Variants in RRP12 observed in about 807,000 individuals in gnomAD.
RRP12 encodes the protein RRP12-like protein.
Under a neutral mutation model 157.3 loss-of-function variants are expected in RRP12, and 78 were observed. The ratio of observed to expected loss-of-function variants is 0.50; its 90% CI spans 0.41 to 0.60. The LOEUF is 0.60. Ranked by LOEUF, RRP12 falls within the 20% of genes least tolerant of loss-of-function variation. RRP12 has a pLI of 0.00. For missense variants in RRP12, 1,521 were observed against 1,679.9 expected (o/e 0.91, Z 1.65); for synonymous variants, 726 against 670.9 (o/e 1.08, Z -1.27).
Position 97,362,514 on chromosome 10 carries a change from G to A in RRP12, c.3567+1340C>T, listed in dbSNP as rs952530267. Among the ~76,000 whole-genome samples, 73 of 152,192 alleles carry A rather than the reference G, an allele frequency of 4.8e-4. No homozygotes were observed. In the Middle Eastern group the frequency reaches 0.02, roughly 43 times the overall value. On this transcript the variant is annotated intron_variant, in intron 30 of 33. Transcript: ENST00000370992. ...GGGCCCAGACACACGTTTGGCAGAC[G>A]ACTGCCATCACCTGGAGAGGGAGAC...
rs1845116077 is a variant in RRP12 at position 97,400,545 on chromosome 10, G to C, written c.140-11C>G. On this transcript the variant is annotated splice_polypyrimidine_tract_variant and intron_variant, in intron 1 of 33. Transcript: ENST00000370992. Reference sequence around the variant, plus strand: ...TCAGGTCACTCCTTCCTGAGAGCCAGAGGCACAAGATAAGGTCCAAGCCTC... The same window carrying C: ...TCAGGTCACTCCTTCCTGAGAGCCACAGGCACAAGATAAGGTCCAAGCCTC... 6.2e-7 allele frequency: 1 copy of C among 1,607,874 alleles called. No individual in the cohort carries two copies. The highest frequency in any genetic ancestry group is 1.7e-4 in the Middle Eastern group (1 of 6,048).
chr10:97,389,329 G>T (rs182818160), intron 6 of RRP12, among the ~76,000 whole-genome samples: 174 of 152,120 alleles, frequency 1.1e-3, no homozygotes, highest in African/African-American at 3.7e-3. Flanking sequence ...TCCTGACCTC[G>T]TGATCCGCCC....
At chr10:97,369,377 A>G (rs755925022) in intron 25 of RRP12, 48 bp downstream of exon 25, 8 of 1,589,772 alleles carry the variant, frequency 5.0e-6, no homozygotes, top group East Asian at 2.3e-5. Context: ...CCATGCCAAC[A>G]GCTCAGAGGC....
At chr10:97,380,706 G>T in intron 13 of RRP12, 93 bp downstream of exon 13, 1 of 890,848 alleles carries the variant, frequency 1.1e-6, no homozygotes, top group African/African-American at 1.6e-5. Context: ...GCGGAGCAGG[G>T]TGCAGAGATA....
At chr10:97,399,195 C>A (rs1056576229) in intron 2 of RRP12, among the ~76,000 whole-genome samples, 3 of 152,106 alleles carry the variant, frequency 2.0e-5, no homozygotes, top group Non-Finnish European at 2.9e-5. Flanking sequence ...ATCACCTGAA[C>A]CCAGGAGGCG....
chr10:97,384,784 C>T (rs550700451), intron 10 of RRP12, among the ~76,000 whole-genome samples: 2 of 149,298 alleles, frequency 1.3e-5, no homozygotes, highest in Admixed American at 6.6e-5. Context: ...GACCCCCAAT[C>T]TCGGCAGCCT....
chr10:97,369,174 T>C (rs1282287416), intron 25 of RRP12, among the ~76,000 whole-genome samples: 1 of 152,196 alleles, frequency 6.6e-6, no homozygotes, highest in African/African-American at 2.4e-5. Context: ...GCCCTGCCCA[T>C]GGGCCTTTGC....
chr10:97,392,818 A>C (rs907905217), intron 4 of RRP12, among the ~76,000 whole-genome samples: 5 of 151,722 alleles, frequency 3.3e-5, no homozygotes, highest in Non-Finnish European at 5.9e-5. Context: ...CAGCCTCCCG[A>C]GTAGCTGAAT....
At chr10:97,379,518 C>T in intron 14 of RRP12, 104 bp from the exon 15 acceptor site, 1 of 1,587,222 alleles carries the variant, frequency 6.3e-7, no homozygotes, top group South Asian at 1.1e-5. Context: ...TCTGGCCCCT[C>T]CTGCTGAGCC....
chr10:97,364,778 G>A (rs978348873), intron 29 of RRP12, among the ~76,000 whole-genome samples: 3 of 152,096 alleles, frequency 2.0e-5, no homozygotes, highest in African/African-American at 7.2e-5. Context: ...CAGGAGTTCT[G>A]GGGGAATCAG....
Position 97,369,352 on chromosome 10 carries a change from C to G in RRP12, c.2955+73G>C. The G allele has an allele frequency of 2.0e-6, 3 of 1,494,778 alleles. No individual in the cohort carries two copies. The Admixed American group carries it at 5.7e-5, about 29-fold the overall frequency. The allele number at this position is 1,494,778 out of a possible 1,614,324, so 92.6% of individuals were successfully genotyped here. A position where few individuals can be genotyped will look rare whatever the true frequency, so the allele number is the denominator to read the frequency against. ...AAAATAGTTTGAAACTTGCTGGCCT[C>G]GAAGCTTGCCAGGTCCATGCCAACA... On this transcript the variant is annotated intron_variant, in intron 25 of 33. Coordinates refer to ENST00000370992, the MANE Select transcript of RRP12 (RefSeq NM_015179.4).
At chr10:97,371,355 C>T (rs1169200146) in intron 20 of RRP12, 5 of 495,674 alleles carry the variant, frequency 1.0e-5, no homozygotes, top group South Asian at 8.5e-5. Flanking sequence ...GTGCCTGGCA[C>T]GCGCCAAGGC....
chr10:97,370,370 A>G (rs3737194), intron 23 of RRP12, 85 bp downstream of exon 23: 468,828 of 1,348,106 alleles, frequency 0.35, 86,220 homozygotes, highest in African/African-American at 0.65. Flanking sequence ...GCCAGGGCAC[A>G]GAGCTCTCCC....
intron 15 of RRP12, among the ~76,000 whole-genome samples, chr10:97,375,170 G>C (rs1409773630): frequency 6.6e-6 from 1 of 151,618 alleles, no homozygotes; most frequent in Non-Finnish European, 1.5e-5. Flanking sequence ...TGTTGCCCAG[G>C]CTGGCCTTGA....
At chr10:97,388,932 A>C (rs1844717566) in intron 6 of RRP12, among the ~76,000 whole-genome samples, 1 of 152,202 alleles carries the variant, frequency 6.6e-6, no homozygotes, top group South Asian at 2.1e-4. Flanking sequence ...TCACTTAATC[A>C]TCCGGCAAAC....
At chr10:97,401,065 G>A (rs764238227) in intron 1 of RRP12, 28 bp downstream of exon 1, 17 of 1,609,024 alleles carry the variant, frequency 1.1e-5, no homozygotes, top group Non-Finnish European at 1.4e-5. Flanking sequence ...CCCCGCCCCC[G>A]GCTGCGCTCG....
chr10:97,364,641 CAG>C (rs1230700667), intron 29 of RRP12, among the ~76,000 whole-genome samples: 1 of 152,230 alleles, frequency 6.6e-6, no homozygotes, highest in Non-Finnish European at 1.5e-5. Context: ...CACATAAACT[CAG>C]GACATGGAGA....
At chr10:97,369,663 T>A in intron 24 of RRP12, 81 bp from the exon 25 acceptor site, 1 of 1,410,624 alleles carries the variant, frequency 7.1e-7, no homozygotes, top group South Asian at 1.3e-5. Flanking sequence ...AAACAGCCAC[T>A]CAAGTGTCAG....
chr10:97,360,949 A>G (rs1377922358), intron 30 of RRP12, among the ~76,000 whole-genome samples: 1 of 152,150 alleles, frequency 6.6e-6, no homozygotes, highest in Non-Finnish European at 1.5e-5. Context: ...CAGCCTTCCT[A>G]ATGGGGAAAA....
Sources: allele counts gnomAD v4.1 joint callset (sites outside exome capture counted in the v4.1 genomes callset), GRCh38; gene constraint gnomAD v4.1.1; transcripts MANE v1.5; gene names NCBI Gene and HGNC (gene_info 2026-07-23, HGNC 2026-07-21).